Variants in AKT3 observed in about 807,000 individuals in gnomAD.
AKT3 encodes RAC-gamma serine/threonine-protein kinase.
In AKT3, 15 loss-of-function variants were observed where a neutral mutation model predicts 65.3. That is an observed-to-expected ratio of 0.23 (90% CI 0.15 to 0.35). AKT3 has a LOEUF of 0.35. Ranked by LOEUF, AKT3 falls within the 10% of genes least tolerant of loss-of-function variation. The probability of loss-of-function intolerance (pLI) is 1.00; values close to 1 mark genes in which losing one functional copy is unlikely to be tolerated. For missense variants in AKT3, 243 were observed against 576.5 expected, an observed-to-expected ratio of 0.42 and a Z score of 5.92; for synonymous variants, 206 against 183.8, an observed-to-expected ratio of 1.12 and a Z score of -0.98.
intron 8 of AKT3, among the ~76,000 whole-genome samples, chr1:243,589,325 G>GA (rs1296078540): frequency 0.028 from 3,316 of 117,994 alleles, 37 homozygotes; most frequent in Non-Finnish European, 0.046. Flanking sequence ...AAAAAAAAAA[G>GA]AAAAAAAAAG....
At chr1:243,773,055 G>T (rs1441910292) in intron 2 of AKT3, among the ~76,000 whole-genome samples, 1 of 106,466 alleles carries the variant, frequency 9.4e-6, no homozygotes, top group Non-Finnish European at 1.8e-5. Context: ...GGGGAGGGGG[G>T]AGGGATAGCA....
intron 12 of AKT3, among the ~76,000 whole-genome samples, chr1:243,536,716 A>G (rs1340344437): frequency 2.0e-5 from 3 of 152,168 alleles, no homozygotes; most frequent in African/African-American, 7.2e-5. Flanking sequence ...TGCCAGAAAT[A>G]ACACTGGTTT....
At position 243,637,664 on chromosome 1, in the gene AKT3, T is replaced by A. The variant is rs1572072780; in HGVS notation, c.508A>T (p.Ser170Cys). 3.7e-6 allele frequency: 6 copies of A among 1,608,738 alleles called. 1 individual carries two copies. Among genetic ancestry groups the A allele is most frequent in the Non-Finnish European group, 5.1e-6 (6 of 1,176,148 alleles). Reference protein sequence around the residue: ...GKVILVREKASGKYYAMKILK... With the variant: ...GKVILVREKACGKYYAMKILK... ...ATCTTCATAGCATAGTATTTTCCAC[T>A]TGCCTTCTCTCGAACCAAAATAACT... The change falls in exon 6 of 14, where the codon AGT (serine) becomes TGT (cysteine). Residue 170 changes from serine to cysteine, a missense_variant. Ser to Cys is a moderately radical substitution (Grantham distance 112). This residue lies in a region of AKT3 where 61 missense variants were observed against 163.3 expected (regional missense o/e 0.37). Transcript: ENST00000673466.
intron 8 of AKT3, among the ~76,000 whole-genome samples, chr1:243,586,057 A>C (rs1675777820): frequency 1.3e-5 from 2 of 152,204 alleles, no homozygotes; most frequent in African/African-American, 4.8e-5. Context: ...CCCAATAAAA[A>C]ATGAGCAAAT....
intron 12 of AKT3, among the ~76,000 whole-genome samples, chr1:243,534,265 G>C (rs1427692332): frequency 6.6e-6 from 1 of 152,168 alleles, no homozygotes; most frequent in Non-Finnish European, 1.5e-5. Flanking sequence ...GTAGGGCAAG[G>C]AAAACTATCA....
intron 9 of AKT3, among the ~76,000 whole-genome samples, chr1:243,567,074 G>A (rs1674210232): frequency 6.6e-6 from 1 of 152,174 alleles, no homozygotes; most frequent in African/African-American, 2.4e-5. Flanking sequence ...GAGCTCAGGA[G>A]TTCAAGACCA....
At chr1:243,567,515 G>A (rs745401364) in intron 9 of AKT3, among the ~76,000 whole-genome samples, 1 of 127,892 alleles carries the variant, frequency 7.8e-6, no homozygotes, top group Non-Finnish European at 1.6e-5. Context: ...TTTTTTAAGA[G>A]ATGGTATTTT....
intron 13 of AKT3, among the ~76,000 whole-genome samples, chr1:243,510,567 G>A (rs1669952362): frequency 6.6e-6 from 1 of 152,220 alleles, no homozygotes; most frequent in Non-Finnish European, 1.5e-5. Context: ...AGCCATCCAA[G>A]TAAGATCAGG....
rs1172579058 is a variant in AKT3 at position 243,503,675 on chromosome 1, A to T, written c.*1574T>A. 4.3e-6 allele frequency: 1 copy of T among 232,290 alleles called. No individual in the cohort carries two copies. The highest frequency in any genetic ancestry group is 8.5e-6 in the Non-Finnish European group (1 of 117,350). 14.4% of individuals were successfully genotyped at this position (232,290 alleles called of 1,614,324 possible). Reference sequence around the variant, plus strand: ...AGTGAGAAATGTTGGAATCTGGGGGACATGAGTATATACAGAAAAAGAAAA... The same window carrying T: ...AGTGAGAAATGTTGGAATCTGGGGGTCATGAGTATATACAGAAAAAGAAAA... On this transcript the variant is annotated 3_prime_UTR_variant, in exon 14 of 14. Coordinates refer to ENST00000673466, the MANE Select transcript of AKT3 (RefSeq NM_005465.7).
At chr1:243,768,831 CAAA>C (rs1360543117) in intron 2 of AKT3, among the ~76,000 whole-genome samples, 2 of 78,148 alleles carry the variant, frequency 2.6e-5, no homozygotes, top group Admixed American at 1.4e-4. Context: ...TGATCCGCCA[CAAA>C]AAAAAAAAAA....
Position 243,713,320 on chromosome 1 carries a change from C to T in AKT3, c.47-17604G>A, listed in dbSNP as rs539330802. ...AAAGAAGTTGCTTTCTAAAACTAGA[C>T]ATGAATAAGGGAGAGAAGAGGAAGT... is the stretch of plus-strand genomic sequence containing the variant. On this transcript the variant is annotated intron_variant, in intron 2 of 13. Coordinates refer to ENST00000673466, the MANE Select transcript of AKT3 (RefSeq NM_005465.7). Among the ~76,000 whole-genome samples, 25 of 152,168 alleles carry T rather than the reference C, an allele frequency of 1.6e-4. No homozygotes were observed. The East Asian group carries it at 4.4e-3, about 27-fold the overall frequency.
intron 10 of AKT3, among the ~76,000 whole-genome samples, chr1:243,559,068 G>C (rs1268757729): frequency 3.3e-5 from 5 of 152,090 alleles, no homozygotes; most frequent in Admixed American, 3.3e-4. Context: ...TTAGCAGTAA[G>C]AGTTTATATG....
intron 2 of AKT3, among the ~76,000 whole-genome samples, chr1:243,724,748 T>C (rs1687107972): frequency 6.6e-6 from 1 of 152,176 alleles, no homozygotes; most frequent in South Asian, 2.1e-4. Flanking sequence ...GCTCAGTATC[T>C]CCTGGGAGAA....
intron 10 of AKT3, among the ~76,000 whole-genome samples, chr1:243,554,836 G>A (rs759959866): frequency 2.0e-5 from 3 of 150,876 alleles, no homozygotes; most frequent in Middle Eastern, 3.2e-3. Context: ...ACTGCCTCCC[G>A]AACCCACATT....
In AKT3 at chr1:243,505,269, A is replaced by G. The variant is rs2148345266; in HGVS notation, c.1420T>C (p.Ser474Pro). Residue 474 changes from serine to proline, a missense_variant, in exon 14 of 14, where the codon TCT becomes CCT. Physicochemically the swap from Ser to Pro is moderately conservative, Grantham distance 74. Around this residue, in one of 6 missense-constraint regions of AKT3, gnomAD observed 57 missense variants for 107.6 expected, o/e 0.53. Transcript: ENST00000673466. ...GAGACTTATTCTCGTCCACTTGCAG[A>G]GTAGGAAAATTGAGGGAAATGCGGC... ...RRPHFPQFSY[S>P]ASGRE 1 of 1,614,044 alleles carries G rather than the reference A, an allele frequency of 6.2e-7. No homozygotes were observed.
In AKT3 at chr1:243,686,651, ATTTTTTTTTTTTTTTTTTTT is replaced by A. The variant is rs143487611; in HGVS notation, c.172+8920_172+8939del. 6.8e-4 allele frequency among the ~76,000 whole-genome samples: 16 copies of A among 23,518 alleles called. 1 individual carries two copies. The highest frequency in any genetic ancestry group is 2.5e-3 in the African/African-American group (16 of 6,334). The allele number at this position is 23,518 out of a possible 152,430, so 15.4% of individuals were successfully genotyped here. ...TTTTCATATATATATATATATATAT[ATTTTTTTTTTTTTTTTTTTT>A]TTTTTTTTTTTTTTGAGACAAAGTC... On this transcript the variant is annotated intron_variant, in intron 3 of 13. Coordinates refer to ENST00000673466, the MANE Select transcript of AKT3 (RefSeq NM_005465.7).
At position 243,619,994 on chromosome 1, in the gene AKT3, T is replaced by C. The variant is rs1226630836; in HGVS notation, c.562-4833A>G. Among the ~76,000 whole-genome samples the C allele has an allele frequency of 3.6e-4, 35 of 98,192 alleles. 5 individuals carry two copies. Among genetic ancestry groups the C allele is most frequent in the African/African-American group, 9.2e-4 (35 of 38,056 alleles). The allele number at this position is 98,192 out of a possible 152,430, so 64.4% of individuals were successfully genotyped here. The stretch of plus-strand genomic sequence containing the variant: ...TTTTTGTTTTTTTGATAAAAGTCAT[T>C]GTAACTGGGGTGAGATGATGATATG... On this transcript the variant is annotated intron_variant, in intron 6 of 13. Coordinates refer to ENST00000673466, the MANE Select transcript of AKT3 (RefSeq NM_005465.7).
intron 9 of AKT3, among the ~76,000 whole-genome samples, chr1:243,566,323 A>G (rs775645279): frequency 1.3e-5 from 2 of 152,200 alleles, no homozygotes; most frequent in African/African-American, 2.4e-5. Context: ...TGGGTAAGGA[A>G]TAGGCTGAGG....
At chr1:243,708,516 T>C (rs1572206598) in intron 2 of AKT3, among the ~76,000 whole-genome samples, 2 of 152,014 alleles carry the variant, frequency 1.3e-5, no homozygotes, top group Non-Finnish European at 2.9e-5. Flanking sequence ...ACATATTTCT[T>C]TCCTCATCAT....
Sources: allele counts gnomAD v4.1 joint callset (sites outside exome capture counted in the v4.1 genomes callset), GRCh38; gene constraint gnomAD v4.1.1; regional missense constraint gnomAD v4.1.1; transcripts MANE v1.5; gene names NCBI Gene and HGNC (gene_info 2026-07-23, HGNC 2026-07-21).